ZEB2: variants seen among roughly 807,000 people sequenced by gnomAD.
ZEB2 encodes zinc finger E-box binding homeobox 2, also known as zinc finger E-box-binding homeobox 2.
A neutral mutation model predicts 99.9 loss-of-function variants in ZEB2; 6 were observed. The ratio of observed to expected loss-of-function variants is 0.06; its 90% confidence interval spans 0.03 to 0.12. ZEB2 has a LOEUF of 0.12. Ranked by LOEUF, ZEB2 falls within the 10% of genes least tolerant of loss-of-function variation. The probability of loss-of-function intolerance (pLI) is 1.00; values close to 1 mark genes in which losing one functional copy is unlikely to be tolerated. For missense variants in ZEB2, 969 were observed against 1,502.8 expected (o/e 0.64, Z 5.87); for synonymous variants, 517 against 542.5 (o/e 0.95, Z 0.65).
intron 2 of ZEB2, among the ~76,000 whole-genome samples, chr2:144,487,458 A>G (rs368824790): frequency 2.6e-5 from 4 of 152,332 alleles, no homozygotes; most frequent in South Asian, 4.1e-4. Context: ...TGCTTGCCAT[A>G]AAACAGGCAA....
At chr2:144,391,142 C>A (rs1703149784) in intron 9 of ZEB2, among the ~76,000 whole-genome samples, 1 of 152,196 alleles carries the variant, frequency 6.6e-6, no homozygotes, top group East Asian at 1.9e-4. Flanking sequence ...CCATTCTATA[C>A]ACTTTAGGTA....
intron 2 of ZEB2, among the ~76,000 whole-genome samples, chr2:144,471,119 C>T (rs1057382404): frequency 6.6e-6 from 1 of 152,030 alleles, no homozygotes; most frequent in East Asian, 1.9e-4. Flanking sequence ...TGCATAACAG[C>T]GGTAGTTACC....
chr2:144,449,603 T>A (rs1391508896), intron 2 of ZEB2: 4 of 152,172 alleles, frequency 2.6e-5, no homozygotes, highest in African/African-American at 9.7e-5. Flanking sequence ...TGAAGACTGG[T>A]CTTGAAACTT....
intron 2 of ZEB2, chr2:144,511,500 A>C (rs1227095110): frequency 1.6e-5 from 20 of 1,280,870 alleles, no homozygotes; most frequent in Non-Finnish European, 1.9e-5. Flanking sequence ...ATAGCTATTA[A>C]GGCAAAGGCT....
intron 2 of ZEB2, among the ~76,000 whole-genome samples, chr2:144,441,372 G>A (rs57538269): frequency 6.6e-6 from 1 of 152,174 alleles, no homozygotes; most frequent in African/African-American, 2.4e-5. Flanking sequence ...GCACTATTGA[G>A]TTCATCTGTG....
At chr2:144,495,416 G>C (rs1302954308) in intron 2 of ZEB2, 1 of 152,150 alleles carries the variant, frequency 6.6e-6, no homozygotes, top group Non-Finnish European at 1.5e-5. Context: ...TACTACATTA[G>C]GAGGGAAACG....
At position 144,429,980 on chromosome 2, in the gene ZEB2, C is replaced by T; in HGVS notation, c.120G>A (p.Glu40=). 1 of 1,613,828 alleles carries T rather than the reference C, an allele frequency of 6.2e-7. No individual in the cohort carries two copies. The highest frequency in any genetic ancestry group is 8.5e-7 in the Non-Finnish European group (1 of 1,179,876). The change falls in exon 3 of 10, where the codon GAG becomes GAA. Residue 40 remains glutamate, a synonymous_variant. Coordinates refer to ENST00000627532, the MANE Select transcript of ZEB2 (RefSeq NM_014795.4). ...CCTCAGCAATATGAAGCTTGTCTTCCTCATCTGTTTCAGAACCTGTGTCCA... is the reference window on the plus strand; with the variant it reads ...CCTCAGCAATATGAAGCTTGTCTTCTTCATCTGTTTCAGAACCTGTGTCCA... ...NVVDTGSETD[E]EDKLHIAEDD...
chr2:144,454,959 T>C (rs1704101646), intron 2 of ZEB2: 1 of 152,182 alleles, frequency 6.6e-6, no homozygotes, highest in Non-Finnish European at 1.5e-5. Context: ...AGCACAATTT[T>C]GCCCTGACAG....
chr2:144,517,156 GC>G lies in ZEB2; in HGVS notation c.73+121del. ...CGGCGCCGGCCGCGGAGGGAGGCTC[GC>G]CCTAGAGCCCTGGGCGCCGCCGCCG... On this transcript the variant is annotated intron_variant, in intron 2 of 9. Transcript: ENST00000627532. 4.2e-6 allele frequency: 5 copies of G among 1,192,448 alleles called. No individual in the cohort carries two copies. In the East Asian group the frequency reaches 1.5e-4, roughly 36 times the overall value. The allele number at this position is 1,192,448 out of a possible 1,614,324, so 73.9% of individuals were successfully genotyped here.
intron 2 of ZEB2, among the ~76,000 whole-genome samples, chr2:144,440,675 C>G (rs1703903484): frequency 6.6e-6 from 1 of 151,570 alleles, no homozygotes; most frequent in African/African-American, 2.4e-5. Context: ...TACTTTAGTA[C>G]AGGGAGGGGC....
chr2:144,513,536 G>A, intron 2 of ZEB2: 3 of 1,529,246 alleles, frequency 2.0e-6, no homozygotes, highest in Non-Finnish European at 2.6e-6. Flanking sequence ...TCTGAAACAA[G>A]CAGTTTCCGG....
rs116404871 is a variant in ZEB2, at chr2:144,424,778, G to A, written c.403+18C>T. The A allele has an allele frequency of 7.2e-4, 1,164 of 1,613,932 alleles. 3 individuals carry two copies. In the African/African-American group the frequency reaches 1.0e-2, roughly 14 times the overall value. On this transcript the variant is annotated intron_variant, in intron 4 of 9. Transcript: ENST00000627532. ...GACACAGGACAAATGTGATCTGAGC[G>A]TGGCCAACATAACTCACCTGTACCA...
In ZEB2 at chr2:144,386,626, C is replaced by G. The variant is rs748410022; in HGVS notation, c.*2825G>C. On this transcript the variant is annotated 3_prime_UTR_variant, in exon 10 of 10. Transcript: ENST00000627532. Reference sequence around the variant, plus strand: ...GGTTGCACATTCATTGTTTGTTGGTCCTATCTCTTGTGGATTGGGACACAG... The same window carrying G: ...GGTTGCACATTCATTGTTTGTTGGTGCTATCTCTTGTGGATTGGGACACAG... 10 of 152,092 alleles carry G rather than the reference C, an allele frequency of 6.6e-5. No individual in the cohort carries two copies. Among genetic ancestry groups the G allele is most frequent in the Non-Finnish European group, 1.3e-4 (9 of 68,020 alleles). The allele number at this position is 152,092 out of a possible 1,614,324, so 9.4% of individuals were successfully genotyped here.
chr2:144,424,376 G>A, intron 4 of ZEB2: 1 of 516,124 alleles, frequency 1.9e-6, no homozygotes, highest in Non-Finnish European at 3.9e-6. Flanking sequence ...TTGTCTTTCT[G>A]AAAAAAAAAT....
Position 144,396,535 on chromosome 2 carries a change from A to G in ZEB2, c.2944T>C (p.Ser982Pro), listed in dbSNP as rs1370024483. Residue 982 changes from serine to proline, a missense_variant, in exon 9 of 10, where the codon TCC becomes CCC. Ser to Pro is a moderately conservative substitution (Grantham distance 74). This residue lies in a region of ZEB2 where 346 missense variants were observed against 460.0 expected (regional missense o/e 0.75). Transcript: ENST00000627532. ...YMSGLDDMTDSDSCLSRKKIK... is the reference protein window; with the variant it reads ...YMSGLDDMTDPDSCLSRKKIK... ...TTTTTGCGAGACAGACAGGAGTCGG[A>G]GTCTGTCATATCATCTAGGCCTGAC... is the stretch of plus-strand genomic sequence containing the variant. 6.2e-7 allele frequency: 1 copy of G among 1,614,056 alleles called. No homozygotes were observed. The highest frequency in any genetic ancestry group is 8.5e-7 in the Non-Finnish European group (1 of 1,179,980).
At chr2:144,454,969 G>C (rs145985302) in intron 2 of ZEB2, 213 of 152,268 alleles carry the variant, frequency 1.4e-3, no homozygotes, top group African/African-American at 4.7e-3. Flanking sequence ...TGCCCTGACA[G>C]AGAAGATTTC....
intron 2 of ZEB2, among the ~76,000 whole-genome samples, chr2:144,504,908 A>G (rs1704931326): frequency 1.3e-5 from 2 of 152,212 alleles, no homozygotes; most frequent in Non-Finnish European, 2.9e-5. Flanking sequence ...CTGTCTTATG[A>G]TAAGTGTTGC....
intron 2 of ZEB2, among the ~76,000 whole-genome samples, chr2:144,443,091 A>C (rs1703937389): frequency 6.6e-6 from 1 of 152,148 alleles, no homozygotes; most frequent in Admixed American, 6.5e-5. Flanking sequence ...CCTTGGGGAA[A>C]AGTAGGCTAA....
At chr2:144,418,221 T>G (rs1351565623) in intron 4 of ZEB2, among the ~76,000 whole-genome samples, 1 of 152,230 alleles carries the variant, frequency 6.6e-6, no homozygotes, top group African/African-American at 2.4e-5. Flanking sequence ...CTTGTCTGTG[T>G]AGTTTTCCAG....
Sources: allele counts gnomAD v4.1 joint callset (sites outside exome capture counted in the v4.1 genomes callset), GRCh38; gene constraint gnomAD v4.1.1; regional missense constraint gnomAD v4.1.1; transcripts MANE v1.5; gene names NCBI Gene and HGNC (gene_info 2026-07-23, HGNC 2026-07-21).